The following HACE1 variants were observed in gnomAD, a reference collection of about 807,000 sequenced individuals.
HACE1 encodes the protein E3 ubiquitin-protein ligase HACE1.
HACE1 carries 73 observed loss-of-function variants against 118.4 expected under a neutral mutation model. That is an observed-to-expected ratio of 0.62 (90% CI 0.51 to 0.75). The LOEUF is 0.75. Ranked by LOEUF, HACE1 falls within the 30% of genes least tolerant of loss-of-function variation. The pLI is 0.00. For synonymous variants in HACE1, 368 were observed against 374.8 expected (o/e 0.98, Z 0.21); for missense variants, 749 against 1,102.2 (o/e 0.68, Z 4.54).
At chr6:104,736,648 G>A (rs1162304996) in intron 22 of HACE1, among the ~76,000 whole-genome samples, 2 of 152,062 alleles carry the variant, frequency 1.3e-5, no homozygotes, top group Non-Finnish European at 2.9e-5. Flanking sequence ...TGACAATTCA[G>A]AGTAATAATT....
intron 19 of HACE1, among the ~76,000 whole-genome samples, chr6:104,757,173 A>T (rs1330514208): frequency 6.6e-6 from 1 of 152,174 alleles, no homozygotes; most frequent in Non-Finnish European, 1.5e-5. Context: ...GCTTCTCCAG[A>T]CTTAAACATC....
chr6:104,827,628 T>A (rs1204624593), intron 6 of HACE1, among the ~76,000 whole-genome samples: 1 of 152,156 alleles, frequency 6.6e-6, no homozygotes, highest in Non-Finnish European at 1.5e-5. Context: ...ACCCTAGGAA[T>A]ATACTCTGAA....
chr6:104,800,896 A>G (rs1258818453), intron 7 of HACE1, among the ~76,000 whole-genome samples: 1 of 152,094 alleles, frequency 6.6e-6, no homozygotes, highest in Non-Finnish European at 1.5e-5. Context: ...AGGCTTCAGA[A>G]GGCTGGTAAT....
chr6:104,798,430 T>C (rs1344704896), intron 7 of HACE1, among the ~76,000 whole-genome samples: 2 of 152,186 alleles, frequency 1.3e-5, no homozygotes, highest in African/African-American at 4.8e-5. Flanking sequence ...CTACTACGAA[T>C]CTAGTGCCAG....
Position 104,857,676 on chromosome 6 carries a change from C to T in HACE1, c.76+1891G>A, listed in dbSNP as rs985378522. ...TACAAAAAAAAAAAAACATTTGGGG[C>T]GGGGCACGGTGGCTCACGCCTGTAA... On this transcript the variant is annotated intron_variant, in intron 1 of 23. Transcript: ENST00000262903. Among the ~76,000 whole-genome samples the T allele has an allele frequency of 2.0e-4, 31 of 151,256 alleles. 1 individual carries two copies. The East Asian group carries it at 2.3e-3, about 11-fold the overall frequency.
At chr6:104,752,095 C>A (rs1051101481) in intron 19 of HACE1, among the ~76,000 whole-genome samples, 1 of 152,084 alleles carries the variant, frequency 6.6e-6, no homozygotes, top group East Asian at 1.9e-4. Flanking sequence ...CTCCCGAAAC[C>A]CTGTGTGGCT....
Position 104,745,103 on chromosome 6 carries a change from C to T in HACE1, c.2344-493G>A, listed in dbSNP as rs190430474. Among the ~76,000 whole-genome samples, 29 of 152,082 alleles carry T rather than the reference C, an allele frequency of 1.9e-4. 1 individual carries two copies. Among genetic ancestry groups the T allele is most frequent in the Admixed American group, 1.7e-3 (26 of 15,280 alleles). ...AAAGGAGGTAATATAAAAATAGTTA[C>T]GATTTTTAAAAAAGATTTAGGCCTT... is the stretch of plus-strand genomic sequence containing the variant. On this transcript the variant is annotated intron_variant, in intron 20 of 23. Coordinates refer to ENST00000262903, the MANE Select transcript of HACE1 (RefSeq NM_020771.4).
intron 11 of HACE1, among the ~76,000 whole-genome samples, chr6:104,790,374 A>T (rs1782898560): frequency 6.6e-6 from 1 of 152,230 alleles, no homozygotes; most frequent in Admixed American, 6.5e-5. Context: ...AATCCTAACT[A>T]GTTTTCAAGG....
At chr6:104,828,561 AGTT>A (rs1207206579) in intron 6 of HACE1, among the ~76,000 whole-genome samples, 1 of 152,020 alleles carries the variant, frequency 6.6e-6, no homozygotes, top group African/African-American at 2.4e-5. Flanking sequence ...ATTATTAAGA[AGTT>A]GTTATGATTC....
intron 22 of HACE1, among the ~76,000 whole-genome samples, chr6:104,743,603 A>G (rs1045654920): frequency 2.0e-5 from 3 of 152,002 alleles, no homozygotes; most frequent in African/African-American, 7.2e-5. Flanking sequence ...ACAAGCTAAA[A>G]GATGGTTAAA....
chr6:104,850,259 C>T (rs967087696), intron 3 of HACE1, among the ~76,000 whole-genome samples: 1 of 152,196 alleles, frequency 6.6e-6, no homozygotes, highest in African/African-American at 2.4e-5. Context: ...CTTTTAAACA[C>T]ATTATTTTTA....
chr6:104,824,670 A>T (rs1773121438), intron 6 of HACE1: 1 of 152,234 alleles, frequency 6.6e-6, no homozygotes, highest in South Asian at 2.1e-4. Flanking sequence ...TCTCAAAAGG[A>T]GAAATTTTCA....
chr6:104,759,252 C>T (rs139790020), intron 19 of HACE1, among the ~76,000 whole-genome samples: 5,107 of 152,258 alleles, frequency 0.034, 295 homozygotes, highest in African/African-American at 0.12. Context: ...ATAGATTCTT[C>T]TCAGCACCAC....
At chr6:104,851,397 T>C (rs1047329783) in intron 2 of HACE1, among the ~76,000 whole-genome samples, 1 of 152,194 alleles carries the variant, frequency 6.6e-6, no homozygotes, top group African/African-American at 2.4e-5. Context: ...ATTCTTCTGA[T>C]TCTTCAGGTT....
chr6:104,757,230 T>C (rs1389345544), intron 19 of HACE1, among the ~76,000 whole-genome samples: 1 of 152,130 alleles, frequency 6.6e-6, no homozygotes, highest in Non-Finnish European at 1.5e-5. Flanking sequence ...CAGCACAGTG[T>C]TTGAGCTATG....
At chr6:104,734,581 G>A (rs1775609128) in intron 22 of HACE1, among the ~76,000 whole-genome samples, 1 of 152,086 alleles carries the variant, frequency 6.6e-6, no homozygotes, top group Non-Finnish European at 1.5e-5. Context: ...GTTGAAAGGT[G>A]AATTCTTCAA....
chr6:104,806,627 G>T (rs1260928759), intron 7 of HACE1, among the ~76,000 whole-genome samples: 1 of 151,908 alleles, frequency 6.6e-6, no homozygotes, highest in Non-Finnish European at 1.5e-5. Context: ...TTGCATAAAA[G>T]ATTTTTCAGT....
chr6:104,836,920 G>C (rs576240706), intron 5 of HACE1, among the ~76,000 whole-genome samples: 1 of 152,184 alleles, frequency 6.6e-6, no homozygotes, highest in East Asian at 1.9e-4. Flanking sequence ...CAAAGAAAAT[G>C]AAACAGTTAT....
intron 22 of HACE1, among the ~76,000 whole-genome samples, chr6:104,738,221 A>C: frequency 6.6e-6 from 1 of 152,198 alleles, no homozygotes; most frequent in Non-Finnish European, 1.5e-5. Flanking sequence ...ATGGGGAAAA[A>C]ACAGAACAGA....
Sources: gnomAD v4.1 joint callset for allele counts (sites outside exome capture counted in the v4.1 genomes callset) on GRCh38, gnomAD v4.1.1 for gene constraint, MANE v1.5 for transcripts, NCBI Gene and HGNC (gene_info 2026-07-23, HGNC 2026-07-21) for gene names.